NTM: variants seen among roughly 807,000 people sequenced by gnomAD.
The protein encoded by NTM is IgLON family member 2.
Under a neutral mutation model 42.1 loss-of-function variants are expected in NTM, and 13 were observed. That is an observed-to-expected ratio of 0.31 (90% CI 0.20 to 0.49). The LOEUF is 0.49. Among genes scored for constraint, NTM ranks in the 20% least tolerant of loss-of-function variants. NTM has a pLI of 0.99. For synonymous variants in NTM, 187 were observed against 179.2 expected (o/e 1.04, Z -0.35); for missense variants, 373 against 452.8 (o/e 0.82, Z 1.60).
chr11:131,818,946 G>A (rs1310856071), intron 1 of NTM, among the ~76,000 whole-genome samples: 1 of 152,162 alleles, frequency 6.6e-6, no homozygotes, highest in Admixed American at 6.5e-5. Flanking sequence ...GGGCTTCAAG[G>A]TCACACAGCT....
intron 1 of NTM, among the ~76,000 whole-genome samples, chr11:131,449,374 G>A (rs149388470): frequency 2.3e-4 from 35 of 152,326 alleles, no homozygotes; most frequent in African/African-American, 8.2e-4. Context: ...TAGGCAAGGA[G>A]GGGACCCTGG....
intron 1 of NTM, among the ~76,000 whole-genome samples, chr11:131,439,131 G>A (rs1190857407): frequency 6.6e-6 from 1 of 152,190 alleles, no homozygotes; most frequent in Admixed American, 6.5e-5. Flanking sequence ...CAGAATAGCA[G>A]ATATTGCAGA....
At chr11:132,118,020 A>G (rs1488677860) in intron 2 of NTM, among the ~76,000 whole-genome samples, 8 of 152,056 alleles carry the variant, frequency 5.3e-5, no homozygotes, top group Admixed American at 4.6e-4. Context: ...CAATCTTGTC[A>G]CTCCCATCTG....
At position 131,639,700 on chromosome 11, in the gene NTM, G is replaced by A. The variant is rs1328774722; in HGVS notation, c.82+268812G>A. Among the ~76,000 whole-genome samples the A allele has an allele frequency of 5.3e-5, 8 of 152,300 alleles. No homozygotes were observed. The East Asian group carries it at 1.5e-3, about 30-fold the overall frequency. ...TGGCCCGGCGCGGTGGCTCACGCCT[G>A]TAATCCCAGCACTTTGGGAGGCCGA... On this transcript the variant is annotated intron_variant, in intron 1 of 8. Coordinates refer to ENST00000683400, the MANE Select transcript of NTM (RefSeq NM_001352005.2).
At chr11:131,987,286 C>T (rs1287201926) in intron 2 of NTM, among the ~76,000 whole-genome samples, 1 of 152,156 alleles carries the variant, frequency 6.6e-6, no homozygotes, top group African/African-American at 2.4e-5. Flanking sequence ...CTGGAACACA[C>T]TCCAGACAAG....
At chr11:131,615,865 T>C (rs1377894117) in intron 1 of NTM, among the ~76,000 whole-genome samples, 5 of 152,206 alleles carry the variant, frequency 3.3e-5, no homozygotes, top group Non-Finnish European at 7.3e-5. Context: ...TGCTGCTGAA[T>C]GGACAGCCCA....
At chr11:131,694,916 G>T (rs557484944) in intron 1 of NTM, among the ~76,000 whole-genome samples, 1 of 152,120 alleles carries the variant, frequency 6.6e-6, no homozygotes, top group Non-Finnish European at 1.5e-5. Context: ...CTCGCTCAGC[G>T]CCCTCGCAGC....
intron 2 of NTM, among the ~76,000 whole-genome samples, chr11:131,918,084 G>T (rs1429079138): frequency 6.6e-6 from 1 of 152,152 alleles, no homozygotes; most frequent in Non-Finnish European, 1.5e-5. Context: ...TGAAAGGTTT[G>T]CAGAGAGCTG....
chr11:132,027,868 T>G (rs1021911661), intron 2 of NTM, among the ~76,000 whole-genome samples: 1 of 152,224 alleles, frequency 6.6e-6, no homozygotes. Context: ...TCCCATTGCA[T>G]GTATATTACA....
At chr11:132,316,379 GC>G (rs1182266743) in intron 7 of NTM, among the ~76,000 whole-genome samples, 1 of 152,108 alleles carries the variant, frequency 6.6e-6, no homozygotes, top group Non-Finnish European at 1.5e-5. Flanking sequence ...TACTTCCCAT[GC>G]CCCCCACCCT....
chr11:132,092,695 G>T (rs1422523121), intron 2 of NTM, among the ~76,000 whole-genome samples: 1 of 152,152 alleles, frequency 6.6e-6, no homozygotes, highest in Non-Finnish European at 1.5e-5. Flanking sequence ...TTTTCTTGAT[G>T]TTTCCATGTA....
At chr11:131,826,009 G>C (rs945797736) in intron 1 of NTM, among the ~76,000 whole-genome samples, 1 of 152,154 alleles carries the variant, frequency 6.6e-6, no homozygotes, top group African/African-American at 2.4e-5. Flanking sequence ...CCATGCACAA[G>C]AATAAAATGT....
At chr11:131,598,493 A>G in intron 1 of NTM, among the ~76,000 whole-genome samples, 1 of 152,118 alleles carries the variant, frequency 6.6e-6, no homozygotes, top group Non-Finnish European at 1.5e-5. Context: ...TTGCTCCCAC[A>G]CTGCACAGAG....
chr11:131,648,219 T>C (rs1010282603), intron 1 of NTM, among the ~76,000 whole-genome samples: 2 of 152,208 alleles, frequency 1.3e-5, no homozygotes, highest in Admixed American at 1.3e-4. Flanking sequence ...TAGTGTTCCA[T>C]TGTGTGGATG....
At chr11:132,300,973 A>G (rs2094824797) in intron 4 of NTM, among the ~76,000 whole-genome samples, 1 of 152,100 alleles carries the variant, frequency 6.6e-6, no homozygotes, top group Non-Finnish European at 1.5e-5. Flanking sequence ...TGGTGTGAAG[A>G]AGGCCTTCCC....
chr11:131,563,498 G>A lies in NTM; in HGVS notation c.82+192610G>A, dbSNP rs145084358. Among the ~76,000 whole-genome samples, 113 of 151,404 alleles carry A rather than the reference G, an allele frequency of 7.5e-4. 1 individual carries two copies. The highest frequency in any genetic ancestry group is 3.5e-3 in the Middle Eastern group (1 of 288). On this transcript the variant is annotated intron_variant, in intron 1 of 8. Transcript: ENST00000683400. ...CCTTTCTTCACTTTCTTCCCACCGG[G>A]TGATGGGTGTTAGCCTGGGCGGGCC...
chr11:132,119,316 T>C (rs2064379691), intron 2 of NTM, among the ~76,000 whole-genome samples: 1 of 151,390 alleles, frequency 6.6e-6, no homozygotes, highest in South Asian at 2.1e-4. Context: ...CAAAGCACAC[T>C]GTGCAGTAAG....
At chr11:132,261,212 C>A (rs1349931549) in intron 4 of NTM, among the ~76,000 whole-genome samples, 2 of 152,088 alleles carry the variant, frequency 1.3e-5, no homozygotes, top group Non-Finnish European at 2.9e-5. Flanking sequence ...AGAGGTGGCT[C>A]CACCTCCCTG....
At chr11:131,644,885 T>G (rs2065585649) in intron 1 of NTM, among the ~76,000 whole-genome samples, 1 of 152,178 alleles carries the variant, frequency 6.6e-6, no homozygotes, top group African/African-American at 2.4e-5. Flanking sequence ...TGTTTTATAA[T>G]GGGAATTAGA....
Sources: gnomAD v4.1 joint callset for allele counts (sites outside exome capture counted in the v4.1 genomes callset) on GRCh38, gnomAD v4.1.1 for gene constraint, MANE v1.5 for transcripts, NCBI Gene and HGNC (gene_info 2026-07-23, HGNC 2026-07-21) for gene names.